The following HSPA4 variants were observed in gnomAD, a reference collection of about 807,000 sequenced individuals.
HSPA4 encodes the protein heat shock 70 kDa protein 4.
In HSPA4, 25 loss-of-function variants were observed where a neutral mutation model predicts 106.2. The ratio of observed to expected loss-of-function variants is 0.24; its 90% CI spans 0.17 to 0.33. The LOEUF (loss-of-function observed/expected upper bound fraction) is 0.33. HSPA4 is among the 10% of genes least tolerant of loss of function. The pLI, the probability that HSPA4 is intolerant of heterozygous loss-of-function variation, is 1.00. For synonymous variants in HSPA4, 332 were observed against 333.6 expected (o/e 1.00, Z 0.05); for missense variants, 841 against 996.0 (o/e 0.84, Z 2.10).
In HSPA4 at chr5:133,065,021, C is replaced by G; in HGVS notation, c.149C>G (p.Ala50Gly). Residue 50 changes from alanine to glycine, a missense_variant, in exon 2 of 19, where the codon GCA (alanine) becomes GGA (glycine). By Grantham distance (60) the Ala-to-Gly change is moderately conservative. Around this residue, in one of 5 missense-constraint regions of HSPA4, gnomAD observed 347 missense variants for 408.7 expected, o/e 0.85. Transcript: ENST00000304858. Reference sequence around the variant, plus strand: ...GGTCCTAAGAATCGTTCAATTGGAGCAGCAGCTAAAAGCCAGGTAAAGTTT... The same window carrying G: ...GGTCCTAAGAATCGTTCAATTGGAGGAGCAGCTAAAAGCCAGGTAAAGTTT... Reference protein sequence around the residue: ...SFGPKNRSIGAAAKSQVISNA... With the variant: ...SFGPKNRSIGGAAKSQVISNA... 1 of 1,613,926 alleles carries G rather than the reference C, an allele frequency of 6.2e-7. No homozygotes were observed. Among genetic ancestry groups the G allele is most frequent in the Non-Finnish European group, 8.5e-7 (1 of 1,179,866 alleles).
In HSPA4 at chr5:133,101,782, A is replaced by C. The variant is rs747768253; in HGVS notation, c.2061A>C (p.Ile687=). Residue 687 remains isoleucine (I), a synonymous_variant, in exon 17 of 19, where the codon ATA becomes ATC. Transcript: ENST00000304858. ...ELKNLGQPIK[I]RFQESEERPK... ...AGAATCTAGGTCAACCTATTAAGATACGTTTCCAGGAATCTGAAGAACGAC... is the reference window on the plus strand; with the variant it reads ...AGAATCTAGGTCAACCTATTAAGATCCGTTTCCAGGAATCTGAAGAACGAC... 4.3e-6 allele frequency: 7 copies of C among 1,611,650 alleles called. No individual in the cohort carries two copies. The highest frequency in any genetic ancestry group is 5.9e-6 in the Non-Finnish European group (7 of 1,178,794).
intron 16 of HSPA4, 107 bp downstream of exon 16, chr5:133,099,759 T>G: frequency 1.9e-6 from 1 of 526,984 alleles, no homozygotes; most frequent in Admixed American, 3.0e-5. Flanking sequence ...GAAAATGATG[T>G]TTGATGAACT....
intron 13 of HSPA4, among the ~76,000 whole-genome samples, chr5:133,094,955 A>G (rs192934960): frequency 6.6e-6 from 1 of 152,332 alleles, no homozygotes; most frequent in East Asian, 1.9e-4. Flanking sequence ...AACATAAGTA[A>G]TCTCAAAGGA....
At position 133,076,735 on chromosome 5, in the gene HSPA4, G is replaced by C; in HGVS notation, c.745G>C (p.Gly249Arg). Residue 249 changes from glycine to arginine, a missense_variant, in exon 7 of 19, where the codon GGG (glycine) becomes CGG (arginine). Gly to Arg is a moderately radical substitution (Grantham distance 125, BLOSUM62 -2). This residue lies in a region of HSPA4 where 347 missense variants were observed against 408.7 expected (regional missense o/e 0.85). Transcript: ENST00000304858. Reference protein sequence around the residue: ...VLVNHFCEEFGKKYKLDIKSK... With the variant: ...VLVNHFCEEFRKKYKLDIKSK... ...AGTAAATCACTTCTGTGAAGAATTT[G>C]GGAAGAAATACAAGCTAGACATTAA... The C allele has an allele frequency of 1.9e-6, 3 of 1,613,812 alleles. No homozygotes were observed. Among genetic ancestry groups the C allele is most frequent in the Non-Finnish European group, 2.5e-6 (3 of 1,179,796 alleles).
At chr5:133,095,744 A>G (rs2126714581) in intron 13 of HSPA4, among the ~76,000 whole-genome samples, 1 of 152,284 alleles carries the variant, frequency 6.6e-6, no homozygotes, top group East Asian at 1.9e-4. Flanking sequence ...AACTGCTTTT[A>G]AGTGTACCAT....
intron 1 of HSPA4, among the ~76,000 whole-genome samples, chr5:133,053,328 C>CTTTTTTTTTTTTTTT (rs58722769): frequency 3.1e-5 from 4 of 129,244 alleles, no homozygotes; most frequent in Non-Finnish European, 3.2e-5. Context: ...GGTCTCTCTT[C>CTTTTTTTTTTTTTTT]TTTTTTTTTT....
chr5:133,079,215 T>G (rs1386721107), intron 7 of HSPA4, among the ~76,000 whole-genome samples: 5 of 152,128 alleles, frequency 3.3e-5, no homozygotes, highest in Non-Finnish European at 7.3e-5. Flanking sequence ...CACAGGGTTG[T>G]GCAATGGCCA....
chr5:133,103,752 C>A (rs1581484254), intron 17 of HSPA4, 113 bp from the exon 18 acceptor site: 2 of 832,256 alleles, frequency 2.4e-6, no homozygotes, highest in Non-Finnish European at 3.7e-6. Context: ...GCTAAATATG[C>A]TTTATTTTTT....
chr5:133,104,525 T>G lies in HSPA4; in HGVS notation c.*89T>G, dbSNP rs1765831411. On this transcript the variant is annotated 3_prime_UTR_variant, in exon 19 of 19. Transcript: ENST00000304858. Reference sequence around the variant, plus strand: ...AATATCAACTAGCGCAAGTGAATACTGAAGATTTCTTAGTCAGTTTTTAGG... The same window carrying G: ...AATATCAACTAGCGCAAGTGAATACGGAAGATTTCTTAGTCAGTTTTTAGG... 1.7e-6 allele frequency: 2 copies of G among 1,192,710 alleles called. No individual in the cohort carries two copies. The highest frequency in any genetic ancestry group is 2.8e-5 in the South Asian group (2 of 71,876). 73.9% of individuals were successfully genotyped at this position (1,192,710 alleles called of 1,614,324 possible).
chr5:133,059,280 TCTA>T (rs1426951416), intron 1 of HSPA4, among the ~76,000 whole-genome samples: 1 of 151,414 alleles, frequency 6.6e-6, no homozygotes, highest in Non-Finnish European at 1.5e-5. Flanking sequence ...AAACCCTGTC[TCTA>T]CTAAAAATAA....
At chr5:133,077,144 A>G (rs951517689) in intron 7 of HSPA4, among the ~76,000 whole-genome samples, 3 of 152,218 alleles carry the variant, frequency 2.0e-5, no homozygotes, top group South Asian at 2.1e-4. Context: ...TTACATATGC[A>G]TTTGTTATAC....
Position 133,067,406 on chromosome 5 carries a change from C to T in HSPA4, c.166-11C>T. 2 of 1,598,980 alleles carry T rather than the reference C, an allele frequency of 1.3e-6. No homozygotes were observed. Among genetic ancestry groups the T allele is most frequent in the Non-Finnish European group, 8.5e-7 (1 of 1,172,890 alleles). ...AGTAGTCTTTCCACTCTTTGATATT[C>T]TTTCTCTTAGGTAATTTCTAATGCA... On this transcript the variant is annotated splice_polypyrimidine_tract_variant and intron_variant, in intron 2 of 18. Coordinates refer to ENST00000304858, the MANE Select transcript of HSPA4 (RefSeq NM_002154.4).
intron 1 of HSPA4, among the ~76,000 whole-genome samples, chr5:133,062,874 G>GC (rs1765260925): frequency 2.0e-5 from 3 of 152,204 alleles, no homozygotes; most frequent in Non-Finnish European, 4.4e-5. Context: ...CCAGCATTCT[G>GC]CCAGTTTCCA....
intron 7 of HSPA4, among the ~76,000 whole-genome samples, chr5:133,082,873 C>T (rs1030058462): frequency 2.0e-5 from 3 of 152,060 alleles, no homozygotes; most frequent in South Asian, 2.1e-4. Flanking sequence ...TGGTGGCTCA[C>T]GCCTGTAATC....
intron 1 of HSPA4, among the ~76,000 whole-genome samples, 199 bp downstream of exon 1, chr5:133,052,556 C>G (rs183916611): frequency 6.6e-6 from 1 of 152,202 alleles, no homozygotes; most frequent in African/African-American, 2.4e-5. Context: ...GTGTGCTAAG[C>G]GCGAGGGCCT....
intron 16 of HSPA4, 199 bp from the exon 17 acceptor site, chr5:133,101,560 G>C: frequency 2.2e-6 from 1 of 458,754 alleles, no homozygotes; most frequent in Non-Finnish European, 3.8e-6. Context: ...AAATTGAAGC[G>C]ATTCCAGATG....
At chr5:133,056,862 T>G (rs1216167056) in intron 1 of HSPA4, among the ~76,000 whole-genome samples, 1 of 152,346 alleles carries the variant, frequency 6.6e-6, no homozygotes, top group Non-Finnish European at 1.5e-5. Context: ...ATGAGAATTA[T>G]AATGAGTTAA....
chr5:133,079,800 T>C (rs1336576403), intron 7 of HSPA4, among the ~76,000 whole-genome samples: 2 of 152,194 alleles, frequency 1.3e-5, no homozygotes, highest in African/African-American at 2.4e-5. Flanking sequence ...TTTTGGTAGA[T>C]TACTAGTAGC....
At chr5:133,065,755 C>T (rs908935169) in intron 2 of HSPA4, among the ~76,000 whole-genome samples, 1 of 152,124 alleles carries the variant, frequency 6.6e-6, no homozygotes, top group Non-Finnish European at 1.5e-5. Flanking sequence ...AAAGGACTTG[C>T]TTTTAGTTTA....
Sources: allele counts gnomAD v4.1 joint callset (sites outside exome capture counted in the v4.1 genomes callset), GRCh38; gene constraint gnomAD v4.1.1; regional missense constraint gnomAD v4.1.1; transcripts MANE v1.5; gene names NCBI Gene and HGNC (gene_info 2026-07-23, HGNC 2026-07-21).